PALD1: variants seen among roughly 807,000 people sequenced by gnomAD.
PALD1 encodes the protein paladin.
PALD1 carries 57 observed loss-of-function variants against 96.0 expected under a neutral mutation model. The ratio of observed to expected loss-of-function variants is 0.59; its 90% CI spans 0.48 to 0.74. The LOEUF (loss-of-function observed/expected upper bound fraction) is 0.74, where lower values mean the gene tolerates loss of function less well. Among genes scored for constraint, PALD1 ranks in the 30% least tolerant of loss-of-function variants. The probability of loss-of-function intolerance (pLI) is 0.00; values close to 1 mark genes in which losing one functional copy is unlikely to be tolerated. For missense variants in PALD1, 1,063 were observed against 1,143.7 expected (o/e 0.93, Z 1.02); for synonymous variants, 464 against 473.6 (o/e 0.98, Z 0.26).
At position 70,534,434 on chromosome 10, in the gene PALD1, C is replaced by T; in HGVS notation, c.1032C>T (p.Pro344=). The change falls in exon 9 of 20, where the codon CCC becomes CCT. Residue 344 remains proline, a synonymous_variant. Coordinates refer to ENST00000263563, the MANE Select transcript of PALD1 (RefSeq NM_014431.3). ...GACCCTGCCTCGACAGGGCTGCCCC[C>T]ACGCAGGCCAAGCCCCTGCCTATGG... ...SGTTSQPEAA[P]TQAKPLPMEQ... is the part of the protein sequence containing the mutation. 6.2e-7 allele frequency: 1 copy of T among 1,608,672 alleles called. No individual in the cohort carries two copies. The highest frequency in any genetic ancestry group is 1.1e-5 in the South Asian group (1 of 89,958).
chr10:70,544,044 T>C (rs1847311477), intron 17 of PALD1, among the ~76,000 whole-genome samples: 1 of 152,182 alleles, frequency 6.6e-6, no homozygotes, highest in Admixed American at 6.5e-5. Context: ...CTAGACCAGC[T>C]TCCTTTGCAA....
At chr10:70,562,218 C>G (rs550409559) in intron 18 of PALD1, among the ~76,000 whole-genome samples, 1 of 152,226 alleles carries the variant, frequency 6.6e-6, no homozygotes, top group South Asian at 2.1e-4. Context: ...GGCTCTGGTC[C>G]CCTCGCCCCT....
chr10:70,539,334 G>T lies in PALD1; in HGVS notation c.1725+87G>T. On this transcript the variant is annotated intron_variant, in intron 14 of 19. Transcript: ENST00000263563. This position sits in a 1 kb window ranked among gnomAD's most constrained non-coding sequence, Gnocchi z 4.5. ...GGTCTTCAGAAGGCCTCACACTCCC[G>T]CAGACAGATGGAGAATCTGAGGCCC... 3.0e-6 allele frequency: 4 copies of T among 1,335,530 alleles called. No individual in the cohort carries two copies. Among genetic ancestry groups the T allele is most frequent in the Non-Finnish European group, 4.1e-6 (4 of 986,810 alleles). The allele number at this position is 1,335,530 out of a possible 1,614,324, so 82.7% of individuals were successfully genotyped here.
At chr10:70,545,232 C>T (rs1420366884) in intron 17 of PALD1, among the ~76,000 whole-genome samples, 1 of 152,058 alleles carries the variant, frequency 6.6e-6, no homozygotes, top group Non-Finnish European at 1.5e-5. Flanking sequence ...GTAGGCTGGA[C>T]CCAGTGGTGC....
intron 1 of PALD1, among the ~76,000 whole-genome samples, chr10:70,506,969 T>C (rs1017604942): frequency 6.6e-6 from 1 of 152,204 alleles, no homozygotes; most frequent in Non-Finnish European, 1.5e-5. Context: ...TGGCCACTTA[T>C]GGACTGTATG....
intron 1 of PALD1, among the ~76,000 whole-genome samples, chr10:70,525,223 G>A (rs1846831205): frequency 2.0e-5 from 3 of 151,542 alleles, no homozygotes; most frequent in South Asian, 2.1e-4. Flanking sequence ...TGTTGGCCAG[G>A]ATGGTCTCGA....
chr10:70,467,727 G>A, the PALD1 span, among the ~76,000 whole-genome samples: 1 of 152,134 alleles, frequency 6.6e-6, no homozygotes, highest in African/African-American at 2.4e-5. Flanking sequence ...CCTGCTCTAA[G>A]GGTTTTGTGA....
At chr10:70,562,474 C>T (rs1847761290) in intron 18 of PALD1, among the ~76,000 whole-genome samples, 2 of 152,242 alleles carry the variant, frequency 1.3e-5, no homozygotes, top group South Asian at 4.1e-4. Flanking sequence ...AGAGCCCACC[C>T]TGGGGCTAAG....
At chr10:70,529,361 C>T (rs774277629) in intron 3 of PALD1, 30 bp downstream of exon 3, 3 of 1,069,766 alleles carry the variant, frequency 2.8e-6, no homozygotes, top group East Asian at 4.9e-5. Flanking sequence ...TGCCAGCCCG[C>T]CTGCTGCCTC....
intron 1 of PALD1, among the ~76,000 whole-genome samples, chr10:70,501,713 A>ATCTG: frequency 6.6e-6 from 1 of 151,362 alleles, no homozygotes; most frequent in Admixed American, 6.6e-5. Context: ...AAATAAAGAT[A>ATCTG]TCCAGGAAGA....
chr10:70,462,035 C>T, the PALD1 span, among the ~76,000 whole-genome samples: 3 of 152,212 alleles, frequency 2.0e-5, no homozygotes, highest in East Asian at 3.8e-4. Flanking sequence ...TTGAGCGATC[C>T]GCCCACCTCA....
In PALD1 at chr10:70,567,663, T is replaced by G. The variant is rs1589225335; in HGVS notation, c.*930T>G. 6.6e-6 allele frequency: 1 copy of G among 152,618 alleles called. No homozygotes were observed. The highest frequency in any genetic ancestry group is 6.5e-5 in the Admixed American group (1 of 15,276). 9.5% of individuals were successfully genotyped at this position (152,618 alleles called of 1,614,324 possible). On this transcript the variant is annotated 3_prime_UTR_variant, in exon 20 of 20. Transcript: ENST00000263563. Reference sequence around the variant, plus strand: ...GGGGTGGTCCTCATGGACAGTGAGGTGTGCAAGGGTGCACTGAGGGTGGTG... The same window carrying G: ...GGGGTGGTCCTCATGGACAGTGAGGGGTGCAAGGGTGCACTGAGGGTGGTG...
chr10:70,564,468 C>A lies in PALD1; in HGVS notation c.2367C>A (p.His789Gln). 6.2e-7 allele frequency: 1 copy of A among 1,614,146 alleles called. No individual in the cohort carries two copies. Residue 789 changes from histidine to glutamine, a missense_variant, in exon 19 of 20, where the codon CAC (histidine) becomes CAA (glutamine). Transcript: ENST00000263563. ...TGATTCTCTTCAACGCGTACCTCCA[C>A]CTGGAGAAGGCCGACTCCTGGCAGA... ...VCLILFNAYL[H>Q]LEKADSWQRP... is the part of the protein sequence containing the mutation.
At chr10:70,505,135 A>C (rs1158773407) in intron 1 of PALD1, among the ~76,000 whole-genome samples, 1 of 152,218 alleles carries the variant, frequency 6.6e-6, no homozygotes, top group Non-Finnish European at 1.5e-5. Flanking sequence ...CTATTATCAG[A>C]AAAATCTTTC....
intron 1 of PALD1, among the ~76,000 whole-genome samples, chr10:70,512,568 T>C (rs1846534493): frequency 6.6e-6 from 1 of 152,206 alleles, no homozygotes; most frequent in African/African-American, 2.4e-5. Flanking sequence ...GAAAGTGTGG[T>C]CTGTGTCTGG....
chr10:70,563,856 G>A (rs1379141787), intron 18 of PALD1, among the ~76,000 whole-genome samples: 1 of 152,158 alleles, frequency 6.6e-6, no homozygotes, highest in East Asian at 1.9e-4. Flanking sequence ...CCCTGCCATC[G>A]GCGCCTCCCA....
intron 1 of PALD1, among the ~76,000 whole-genome samples, chr10:70,505,619 C>T (rs1361574678): frequency 5.1e-4 from 46 of 89,378 alleles, no homozygotes; most frequent in Admixed American, 2.3e-3. Context: ...CAAAACAAAA[C>T]AAAACAAAAC....
chr10:70,544,650 CA>C (rs1847323367), intron 17 of PALD1, among the ~76,000 whole-genome samples: 1 of 152,100 alleles, frequency 6.6e-6, no homozygotes, highest in South Asian at 2.1e-4. Context: ...ATGTGGAATT[CA>C]GGGGAGGAAC....
upstream of PALD1, among the ~76,000 whole-genome samples, chr10:70,474,513 A>G (rs2132242198): frequency 6.6e-6 from 1 of 152,322 alleles, no homozygotes; most frequent in Admixed American, 6.5e-5. Flanking sequence ...GTGAGCCGAG[A>G]TTGTGCCACC....
Sources: gnomAD v4.1 joint callset for allele counts (sites outside exome capture counted in the v4.1 genomes callset) on GRCh38, gnomAD v4.1.1 for gene constraint, Gnocchi (gnomAD v3.1) non-coding constraint, MANE v1.5 for transcripts, NCBI Gene and HGNC (gene_info 2026-07-23, HGNC 2026-07-21) for gene names.